Variants in NSG2 observed in about 807,000 individuals in gnomAD.
The protein encoded by NSG2 is neuronal vesicle trafficking-associated protein 2.
Under a neutral mutation model 16.9 loss-of-function variants are expected in NSG2, and 4 were observed. That is an observed-to-expected ratio of 0.24 (90% CI 0.12 to 0.54). NSG2 has a LOEUF of 0.54. Among genes scored for constraint, NSG2 ranks in the 20% least tolerant of loss-of-function variants. The pLI is 0.95. For missense variants in NSG2, 179 were observed against 221.1 expected (o/e 0.81, Z 1.21); for synonymous variants, 98 against 88.7 (o/e 1.11, Z -0.59).
chr5:174,086,235 C>T lies in NSG2; in HGVS notation c.214-17993C>T, dbSNP rs17076825. Among the ~76,000 whole-genome samples, 135 of 152,214 alleles carry T rather than the reference C, an allele frequency of 8.9e-4. 1 individual carries two copies. In the East Asian group the frequency reaches 0.02, roughly 23 times the overall value. ...GGGGTGATTGCTGGCTAACTGACCC[C>T]GGGCCAATCACTTTCTGGAAACTTA... On this transcript the variant is annotated intron_variant, in intron 3 of 4. Coordinates refer to ENST00000303177, the MANE Select transcript of NSG2 (RefSeq NM_015980.5).
rs375911731 is a variant in NSG2, at chr5:174,104,538, A to G, written c.324+200A>G. ...AGTAAGCAGTAGAGTTCCTCCCCCA[A>G]GATGGTGCTCTCCAGGGTCAGGAGG... On this transcript the variant is annotated intron_variant, in intron 4 of 4. Coordinates refer to ENST00000303177, the MANE Select transcript of NSG2 (RefSeq NM_015980.5). 1.2e-4 allele frequency among the ~76,000 whole-genome samples: 18 copies of G among 152,318 alleles called. No homozygotes were observed. The East Asian group carries it at 1.7e-3, about 15-fold the overall frequency.
intron 3 of NSG2, among the ~76,000 whole-genome samples, chr5:174,074,315 C>T (rs556293618): frequency 1.7e-4 from 26 of 152,296 alleles, no homozygotes; most frequent in African/African-American, 6.0e-4. Flanking sequence ...GCTCGATAAA[C>T]GTGAGCTTCC....
chr5:174,059,729 G>A (rs1289549607), intron 2 of NSG2, among the ~76,000 whole-genome samples: 2 of 152,126 alleles, frequency 1.3e-5, no homozygotes, highest in African/African-American at 2.4e-5. Context: ...ATTTCTCTGG[G>A]TTCCTCTTGG....
intron 2 of NSG2, among the ~76,000 whole-genome samples, chr5:174,057,138 A>G (rs1759978184): frequency 6.6e-6 from 1 of 152,218 alleles, no homozygotes; most frequent in Admixed American, 6.5e-5. Flanking sequence ...AAATATCCAT[A>G]AAACCCCACT....
intron 3 of NSG2, among the ~76,000 whole-genome samples, chr5:174,083,607 G>T (rs1383862200): frequency 1.3e-5 from 2 of 152,156 alleles, no homozygotes; most frequent in African/African-American, 4.8e-5. Flanking sequence ...TGGCGTGCTT[G>T]CAAAGCTTCC....
chr5:174,090,621 G>A (rs1348861934), intron 3 of NSG2, among the ~76,000 whole-genome samples: 4 of 152,184 alleles, frequency 2.6e-5, no homozygotes, highest in Non-Finnish European at 4.4e-5. Flanking sequence ...CCAATCTCAG[G>A]CTGGCTGTGT....
intron 3 of NSG2, among the ~76,000 whole-genome samples, chr5:174,074,440 A>G (rs1044143343): frequency 1.3e-5 from 2 of 152,084 alleles, no homozygotes; most frequent in African/African-American, 2.4e-5. Context: ...GTGGGCCTCC[A>G]TCCCAGGTGA....
intron 3 of NSG2, among the ~76,000 whole-genome samples, chr5:174,089,542 G>C (rs1264710200): frequency 6.6e-6 from 1 of 152,026 alleles, no homozygotes; most frequent in Non-Finnish European, 1.5e-5. Flanking sequence ...GATACCCCAG[G>C]CTTCTCCGTG....
At chr5:174,077,314 T>G (rs1760361972) in intron 3 of NSG2, among the ~76,000 whole-genome samples, 1 of 152,126 alleles carries the variant, frequency 6.6e-6, no homozygotes, top group South Asian at 2.1e-4. Flanking sequence ...TCAGAGTGTG[T>G]CTCTTCTGAA....
intron 2 of NSG2, among the ~76,000 whole-genome samples, chr5:174,053,805 T>C (rs947971059): frequency 1.9e-4 from 29 of 152,218 alleles, no homozygotes; most frequent in African/African-American, 6.5e-4. Flanking sequence ...TATTTCCTCA[T>C]GTTGACAATA....
At chr5:174,078,133 T>C (rs555550650) in intron 3 of NSG2, among the ~76,000 whole-genome samples, 1 of 152,366 alleles carries the variant, frequency 6.6e-6, no homozygotes, top group South Asian at 2.1e-4. Flanking sequence ...GCCTAGTGAC[T>C]ACCATATGGG....
At chr5:174,052,964 TGGA>T (rs1759916441) in intron 2 of NSG2, among the ~76,000 whole-genome samples, 2 of 152,202 alleles carry the variant, frequency 1.3e-5, no homozygotes, top group Admixed American at 1.3e-4. Context: ...TTATGCATCT[TGGA>T]GGAGGTCACT....
At chr5:174,074,894 G>C (rs541785754) in intron 3 of NSG2, among the ~76,000 whole-genome samples, 51 of 151,842 alleles carry the variant, frequency 3.4e-4, no homozygotes, top group Non-Finnish European at 5.1e-4. Context: ...GAAGTCCTAG[G>C]TTCCTAGCAT....
At position 174,070,184 on chromosome 5, in the gene NSG2, G is replaced by A. The variant is rs76903065; in HGVS notation, c.213+5869G>A. 9.4e-3 allele frequency among the ~76,000 whole-genome samples: 1,433 copies of A among 152,130 alleles called. 16 individuals carry two copies. Among genetic ancestry groups the A allele is most frequent in the African/African-American group, 0.033 (1,365 of 41,482 alleles). On this transcript the variant is annotated intron_variant, in intron 3 of 4. Transcript: ENST00000303177. ...TTACAGGTGTGAGCCATCATGCCCCGTCTGGTCATTTTTTTCGTGGGCTAT... is the reference window on the plus strand; with the variant it reads ...TTACAGGTGTGAGCCATCATGCCCCATCTGGTCATTTTTTTCGTGGGCTAT...
At chr5:174,055,015 A>C (rs543809403) in intron 2 of NSG2, among the ~76,000 whole-genome samples, 11 of 152,186 alleles carry the variant, frequency 7.2e-5, no homozygotes, top group Non-Finnish European at 1.5e-4. Context: ...AATGCAACGG[A>C]GTAATTATTA....
intron 3 of NSG2, among the ~76,000 whole-genome samples, chr5:174,068,715 GGT>G (rs1760185629): frequency 6.8e-6 from 1 of 147,652 alleles, no homozygotes. Context: ...GGAAGGTGCT[GGT>G]GTCATGGGAA....
rs117842249 is a variant in NSG2 at position 174,048,375 on chromosome 5, G to A, written c.129+1491G>A. On this transcript the variant is annotated intron_variant, in intron 2 of 4. Transcript: ENST00000303177. ...GAAATCTCCCAGGTGGCTCCTGCAT[G>A]CAGCCAAAGTTGAGGACCATTGTTT... 8.3e-4 allele frequency among the ~76,000 whole-genome samples: 127 copies of A among 152,298 alleles called. No individual in the cohort carries two copies. In the East Asian group the frequency reaches 0.023, roughly 28 times the overall value.
Position 174,108,967 on chromosome 5 carries a change from C to T in NSG2, c.*1462C>T, listed in dbSNP as rs1218227153. The T allele has an allele frequency of 6.5e-6, 1 of 152,774 alleles. No individual in the cohort carries two copies. The highest frequency in any genetic ancestry group is 2.4e-5 in the African/African-American group (1 of 41,442). The allele number at this position is 152,774 out of a possible 1,614,324, so 9.5% of individuals were successfully genotyped here. A position where few individuals can be genotyped will look rare whatever the true frequency, so the allele number is the denominator to read the frequency against. The stretch of plus-strand genomic sequence containing the variant: ...TGCCAAACGCTCTCATCTGATTTTT[C>T]CTCCCTTCTCCCCCAACCTCCAATC... On this transcript the variant is annotated 3_prime_UTR_variant, in exon 5 of 5. Coordinates refer to ENST00000303177, the MANE Select transcript of NSG2 (RefSeq NM_015980.5).
rs568921457 is a variant in NSG2, at chr5:174,108,048, A to C, written c.*543A>C. ...AGGAAATGAGGAATGGCCGAGCTGG[A>C]GAGAAGAGCTGATTTTGGCATTACT... On this transcript the variant is annotated 3_prime_UTR_variant, in exon 5 of 5. Transcript: ENST00000303177. 62 of 304,570 alleles carry C rather than the reference A, an allele frequency of 2.0e-4. No homozygotes were observed. The highest frequency in any genetic ancestry group is 1.7e-3 in the South Asian group (61 of 35,626). The allele number at this position is 304,570 out of a possible 1,614,324, so 18.9% of individuals were successfully genotyped here. A position where few individuals can be genotyped will look rare whatever the true frequency, so the allele number is the denominator to read the frequency against.
Sources: gnomAD v4.1 joint callset for allele counts (sites outside exome capture counted in the v4.1 genomes callset) on GRCh38, gnomAD v4.1.1 for gene constraint, MANE v1.5 for transcripts, NCBI Gene and HGNC (gene_info 2026-07-23, HGNC 2026-07-21) for gene names.